FLRT2: variants seen among roughly 807,000 people sequenced by gnomAD.
FLRT2 encodes fibronectin leucine rich transmembrane protein 2.
In FLRT2, 15 loss-of-function variants were observed where a neutral mutation model predicts 40.0. The ratio of observed to expected loss-of-function variants is 0.38; its 90% CI spans 0.25 to 0.58. The LOEUF (loss-of-function observed/expected upper bound fraction) is 0.58. Among genes scored for constraint, FLRT2 ranks in the 20% least tolerant of loss-of-function variants. The probability of loss-of-function intolerance (pLI) is 0.71; values close to 1 mark genes in which losing one functional copy is unlikely to be tolerated. For synonymous variants in FLRT2, 380 were observed against 336.8 expected (o/e 1.13, Z -1.41); for missense variants, 726 against 840.0 (o/e 0.86, Z 1.68).
In FLRT2 at chr14:85,629,907, C is replaced by T. The variant is rs1444906192; in HGVS notation, c.*6410C>T. The T allele has an allele frequency of 1.1e-4, 16 of 152,024 alleles. No homozygotes were observed. The highest frequency in any genetic ancestry group is 1.1e-3 in the Admixed American group (16 of 15,236). 9.4% of individuals were successfully genotyped at this position (152,024 alleles called of 1,614,324 possible). ...GATTATTTGATGGCTGCACATTTAT[C>T]TGATTTGAAGGTTTCAGATGGAATC... On this transcript the variant is annotated 3_prime_UTR_variant, in exon 2 of 2. Coordinates refer to ENST00000330753, the MANE Select transcript of FLRT2 (RefSeq NM_013231.6).
Position 85,621,652 on chromosome 14 carries a change from T to C in FLRT2, c.138T>C (p.Phe46=), listed in dbSNP as rs777030016. Residue 46 remains phenylalanine, a synonymous_variant, in exon 2 of 2, where the codon TTT becomes TTC. Coordinates refer to ENST00000330753, the MANE Select transcript of FLRT2 (RefSeq NM_013231.6). ...CPSVCRCDRN[F]VYCNERSLTS... ...GTGTGTGCCGCTGCGACAGGAACTTTGTCTACTGTAATGAGCGAAGCTTGA... is the reference window on the plus strand; with the variant it reads ...GTGTGTGCCGCTGCGACAGGAACTTCGTCTACTGTAATGAGCGAAGCTTGA... 9.9e-6 allele frequency: 16 copies of C among 1,614,010 alleles called. No homozygotes were observed. The highest frequency in any genetic ancestry group is 1.7e-5 in the Admixed American group (1 of 60,000).
intron 1 of FLRT2, among the ~76,000 whole-genome samples, chr14:85,614,804 A>C (rs1893053144): frequency 6.6e-6 from 1 of 152,174 alleles, no homozygotes; most frequent in Non-Finnish European, 1.5e-5. Context: ...ACTGTCTAAA[A>C]AATCAGTTAT....
intron 1 of FLRT2, among the ~76,000 whole-genome samples, chr14:85,579,546 T>C (rs1056374410): frequency 6.6e-6 from 1 of 152,194 alleles, no homozygotes; most frequent in African/African-American, 2.4e-5. Flanking sequence ...CTCTCTTTTC[T>C]AGTATCTCGT....
intron 1 of FLRT2, among the ~76,000 whole-genome samples, chr14:85,580,274 G>A (rs564175215): frequency 1.5e-3 from 228 of 152,270 alleles, no homozygotes; most frequent in Admixed American, 3.5e-3. Flanking sequence ...CAGAATTAAT[G>A]AGCCAGGGAA....
At chr14:85,560,315 A>T (rs1013380351) in intron 1 of FLRT2, among the ~76,000 whole-genome samples, 2 of 152,168 alleles carry the variant, frequency 1.3e-5, no homozygotes, top group Admixed American at 1.3e-4. Context: ...GCAGTGGCTC[A>T]TGACTGTAAT....
At position 85,621,241 on chromosome 14, in the gene FLRT2, C is replaced by A; in HGVS notation, c.-274C>A. The A allele has an allele frequency of 2.1e-6, 1 of 471,344 alleles. No individual in the cohort carries two copies. Among genetic ancestry groups the A allele is most frequent in the Non-Finnish European group, 3.7e-6 (1 of 268,866 alleles). 29.2% of individuals were successfully genotyped at this position (471,344 alleles called of 1,614,324 possible). On this transcript the variant is annotated 5_prime_UTR_variant, in exon 2 of 2. Transcript: ENST00000330753. ...GCCTGCCCACTTGGGCTTGTGTTGA[C>A]ACGGCTGATAACTTGCCATCACCTG... is the stretch of plus-strand genomic sequence containing the variant.
intron 1 of FLRT2, among the ~76,000 whole-genome samples, chr14:85,537,981 G>A (rs887519501): frequency 6.6e-5 from 10 of 151,836 alleles, no homozygotes; most frequent in African/African-American, 2.2e-4. Context: ...ATCATGTTGT[G>A]TTCAGGATTC....
intron 1 of FLRT2, among the ~76,000 whole-genome samples, chr14:85,534,630 G>T (rs1286457094): frequency 6.6e-6 from 1 of 151,630 alleles, no homozygotes; most frequent in Non-Finnish European, 1.5e-5. Flanking sequence ...CGTGTGTTTG[G>T]GGGAGGGGGT....
rs565299147 is a variant in FLRT2, at chr14:85,638,621, T to C, written c.*15124T>C. 6 of 152,350 alleles carry C rather than the reference T, an allele frequency of 3.9e-5. No homozygotes were observed. Among genetic ancestry groups the C allele is most frequent in the African/African-American group, 1.4e-4 (6 of 41,572 alleles). The allele number at this position is 152,350 out of a possible 1,614,324, so 9.4% of individuals were successfully genotyped here. On this transcript the variant is annotated 3_prime_UTR_variant, in exon 2 of 2. Coordinates refer to ENST00000330753, the MANE Select transcript of FLRT2 (RefSeq NM_013231.6). ...CCTACTTCACACTTCTTCTCAAGGC[T>C]GTCTTGAATTCCTCCAACAATAGAC...
chr14:85,558,333 A>T (rs1164132732), intron 1 of FLRT2, among the ~76,000 whole-genome samples: 1 of 152,172 alleles, frequency 6.6e-6, no homozygotes, highest in Non-Finnish European at 1.5e-5. Flanking sequence ...TCAAAAATAA[A>T]TTTTTTAAAA....
intron 1 of FLRT2, among the ~76,000 whole-genome samples, chr14:85,559,824 G>C (rs980117841): frequency 1.3e-5 from 2 of 152,118 alleles, no homozygotes; most frequent in Non-Finnish European, 2.9e-5. Context: ...CAGGTTACAA[G>C]TTAGATCTCT....
chr14:85,608,084 C>T (rs1265914164), intron 1 of FLRT2, among the ~76,000 whole-genome samples: 2 of 152,124 alleles, frequency 1.3e-5, no homozygotes, highest in African/African-American at 2.4e-5. Context: ...TATTTTAACT[C>T]GATGCTCCCC....
At chr14:85,591,361 C>G (rs941659568) in intron 1 of FLRT2, among the ~76,000 whole-genome samples, 1 of 152,118 alleles carries the variant, frequency 6.6e-6, no homozygotes, top group Admixed American at 6.6e-5. Flanking sequence ...AATACAAAAC[C>G]ACTGTAGAAA....
In FLRT2 at chr14:85,626,546, A is replaced by G. The variant is rs1457080856; in HGVS notation, c.*3049A>G. The G allele has an allele frequency of 1.8e-5, 3 of 167,076 alleles. No homozygotes were observed. The highest frequency in any genetic ancestry group is 7.2e-5 in the African/African-American group (3 of 41,450). 10.3% of individuals were successfully genotyped at this position (167,076 alleles called of 1,614,324 possible). A position where few individuals can be genotyped will look rare whatever the true frequency, so the allele number is the denominator to read the frequency against. On this transcript the variant is annotated 3_prime_UTR_variant, in exon 2 of 2. Transcript: ENST00000330753. ...TGATCAAAAGGATATATTGACAGTT[A>G]TCTATAGCCAGGGTAGTTGTTAATA...
In FLRT2 at chr14:85,645,983, T is replaced by C. The variant is rs1478533178; in HGVS notation, c.*22486T>C. The C allele has an allele frequency of 2.0e-5, 3 of 150,646 alleles. No individual in the cohort carries two copies. Among genetic ancestry groups the C allele is most frequent in the Admixed American group, 6.7e-5 (1 of 15,022 alleles). The allele number at this position is 150,646 out of a possible 1,614,324, so 9.3% of individuals were successfully genotyped here. The stretch of plus-strand genomic sequence containing the variant: ...TTATGGAAAGGACAACTATCCATAT[T>C]GAAATAGACAATTACTCTGTATATA... On this transcript the variant is annotated 3_prime_UTR_variant, in exon 2 of 2. Coordinates refer to ENST00000330753, the MANE Select transcript of FLRT2 (RefSeq NM_013231.6).
intron 1 of FLRT2, among the ~76,000 whole-genome samples, chr14:85,531,751 A>G (rs1888292911): frequency 6.6e-6 from 1 of 152,176 alleles, no homozygotes; most frequent in African/African-American, 2.4e-5. Context: ...CGTATTAGTC[A>G]CATACTGTGG....
intron 1 of FLRT2, among the ~76,000 whole-genome samples, chr14:85,584,540 T>C (rs1294716936): frequency 2.0e-5 from 3 of 152,158 alleles, no homozygotes; most frequent in Non-Finnish European, 4.4e-5. Context: ...CCTCTTGGTG[T>C]CTTTCAGGAC....
Position 85,537,048 on chromosome 14 carries a change from A to G in FLRT2, c.-377+6514A>G, listed in dbSNP as rs568570387. The stretch of plus-strand genomic sequence containing the variant: ...GTATGTGGTAACTAGACTTCATGGT[A>G]GCTGTGTGTATATGTCTTTAAATTC... On this transcript the variant is annotated intron_variant, in intron 1 of 1. Coordinates refer to ENST00000330753, the MANE Select transcript of FLRT2 (RefSeq NM_013231.6). 4.6e-5 allele frequency among the ~76,000 whole-genome samples: 7 copies of G among 152,290 alleles called. No individual in the cohort carries two copies. The East Asian group carries it at 7.7e-4, about 17-fold the overall frequency.
intron 1 of FLRT2, among the ~76,000 whole-genome samples, chr14:85,575,638 A>G (rs1891098853): frequency 1.3e-5 from 2 of 152,046 alleles, no homozygotes; most frequent in Non-Finnish European, 2.9e-5. Flanking sequence ...TCCTTCCCTC[A>G]ACTGCACTTT....
Sources: allele counts gnomAD v4.1 joint callset (sites outside exome capture counted in the v4.1 genomes callset), GRCh38; gene constraint gnomAD v4.1.1; transcripts MANE v1.5; gene names NCBI Gene and HGNC (gene_info 2026-07-23, HGNC 2026-07-21).